CCDC32: variants seen among roughly 807,000 people sequenced by gnomAD.
The protein encoded by CCDC32 is coiled-coil domain-containing protein 32.
CCDC32 carries 9 observed loss-of-function variants against 20.1 expected under a neutral mutation model. That is an observed-to-expected ratio of 0.45 (90% CI 0.27 to 0.78). The LOEUF is 0.78. Ranked by LOEUF, CCDC32 falls within the 30% of genes least tolerant of loss-of-function variation. The probability of loss-of-function intolerance (pLI) is 0.16; values close to 1 mark genes in which losing one functional copy is unlikely to be tolerated. For missense variants in CCDC32, 204 were observed against 215.5 expected, an observed-to-expected ratio of 0.95 and a Z score of 0.33; for synonymous variants, 63 against 79.0, an observed-to-expected ratio of 0.80 and a Z score of 1.07.
At chr15:40,550,698 A>G (rs1055328389), downstream of CCDC32, among the ~76,000 whole-genome samples, 1 of 152,230 alleles carries the variant, frequency 6.6e-6, no homozygotes, top group African/African-American at 2.4e-5. Flanking sequence ...TTAAGAAACT[A>G]TAGCTACAAC....
downstream of CCDC32, among the ~76,000 whole-genome samples, chr15:40,527,011 T>C (rs547167748): frequency 6.6e-6 from 1 of 152,202 alleles, no homozygotes; most frequent in South Asian, 2.1e-4. Flanking sequence ...AGTACAGTTA[T>C]GTGATCTCAG....
At chr15:40,552,973 T>A (rs548452023), downstream of CCDC32, 66 of 261,866 alleles carry the variant, frequency 2.5e-4, no homozygotes, top group African/African-American at 1.3e-3. Context: ...TGAGGGCACA[T>A]GCTAATAACA....
downstream of CCDC32, among the ~76,000 whole-genome samples, chr15:40,551,280 G>A (rs561051070): frequency 6.6e-6 from 1 of 152,024 alleles, no homozygotes; most frequent in Non-Finnish European, 1.5e-5. Context: ...TACTCGGGAG[G>A]CTGAGGCAGG....
chr15:40,534,731 T>G, downstream of CCDC32: 1 of 598,288 alleles, frequency 1.7e-6, no homozygotes, highest in Non-Finnish European at 3.0e-6. Context: ...GGCCCCTTTT[T>G]GTAAGGGCAC....
Position 40,553,466 on chromosome 15 carries a change from G to C in CCDC32, c.*505C>G. The C allele has an allele frequency of 1.0e-6, 1 of 986,120 alleles. No homozygotes were observed. The highest frequency in any genetic ancestry group is 1.2e-6 in the Non-Finnish European group (1 of 830,462). The allele number at this position is 986,120 out of a possible 1,614,324, so 61.1% of individuals were successfully genotyped here. A position where few individuals can be genotyped will look rare whatever the true frequency, so the allele number is the denominator to read the frequency against. On this transcript the variant is annotated 3_prime_UTR_variant, in exon 4 of 4. Coordinates refer to ENST00000416810, the MANE Select transcript of CCDC32 (RefSeq NM_001080792.4). ...GATTTGTTAGAGAAGCCCCAGATGG[G>C]GCTTGGATTCAAGGAGCAGACTTCA...
downstream of CCDC32, chr15:40,537,386 T>G (rs1268802423): frequency 6.6e-6 from 1 of 152,296 alleles, no homozygotes; most frequent in Non-Finnish European, 1.5e-5. Context: ...CTGAAGCCCA[T>G]GCAGGGAACA....
At chr15:40,560,887 G>T (rs532521384) in intron 2 of CCDC32, among the ~76,000 whole-genome samples, 2 of 152,260 alleles carry the variant, frequency 1.3e-5, no homozygotes, top group South Asian at 4.1e-4. Flanking sequence ...CAAAGGAAAA[G>T]AAGTCGTTAT....
chr15:40,557,570 G>A, intron 2 of CCDC32, 198 bp from the exon 3 acceptor site: 1 of 490,880 alleles, frequency 2.0e-6, no homozygotes, highest in Non-Finnish European at 3.5e-6. Flanking sequence ...TCCTCACCCT[G>A]CATTGTATCA....
At chr15:40,527,870 TATAA>T (rs751017284), downstream of CCDC32, among the ~76,000 whole-genome samples, 36 of 152,304 alleles carry the variant, frequency 2.4e-4, no homozygotes, top group Non-Finnish European at 4.0e-4. Context: ...TTCTTTTCTT[TATAA>T]ATTGCTCAGT....
In CCDC32 at chr15:40,541,821, C is replaced by T. The variant is rs183522247; in HGVS notation, c.402-2466G>A. 1.9e-3 allele frequency among the ~76,000 whole-genome samples: 292 copies of T among 152,300 alleles called. 1 individual carries two copies. The highest frequency in any genetic ancestry group is 6.6e-3 in the African/African-American group (274 of 41,546). ...CAGAGAACATAAAACAGCACAAGAG[C>T]GACCTTTTTGTGATCTTCCAACCCA... On this transcript the variant is annotated intron_variant, in intron 3 of 3. Transcript: ENST00000558113.
At chr15:40,542,014 G>A (rs949858349) in intron 3 of CCDC32, among the ~76,000 whole-genome samples, 5 of 152,202 alleles carry the variant, frequency 3.3e-5, no homozygotes, top group Non-Finnish European at 7.3e-5. Flanking sequence ...TGACTTAACA[G>A]CAGCAAGCCC....
chr15:40,534,726 C>T (rs1889035701), downstream of CCDC32: 2 of 596,970 alleles, frequency 3.4e-6, no homozygotes, highest in Non-Finnish European at 6.0e-6. Context: ...TCTCTGGCCC[C>T]TTTTTGTAAG....
At chr15:40,531,893 A>G (rs1888891541), downstream of CCDC32, 1 of 155,822 alleles carries the variant, frequency 6.4e-6, no homozygotes, top group South Asian at 2.1e-4. Context: ...TAAATATGAA[A>G]AGACATGTTA....
intron 3 of CCDC32, among the ~76,000 whole-genome samples, chr15:40,546,743 C>T (rs1425035913): frequency 1.3e-5 from 2 of 151,066 alleles, no homozygotes; most frequent in Non-Finnish European, 2.9e-5. Flanking sequence ...GCTCTGTTGC[C>T]CAGGCTGGAG....
intron 3 of CCDC32, 154 bp downstream of exon 3, chr15:40,557,062 C>T (rs138082848): frequency 1.3e-6 from 1 of 768,396 alleles, no homozygotes; most frequent in Non-Finnish European, 2.0e-6. Context: ...AATGCTTTAT[C>T]CTTAACTCTA....
intron 3 of CCDC32, among the ~76,000 whole-genome samples, chr15:40,543,985 A>T (rs545816908): frequency 6.6e-6 from 1 of 152,018 alleles, no homozygotes; most frequent in Non-Finnish European, 1.5e-5. Context: ...AACACTGCTG[A>T]CTCCATTGAA....
chr15:40,525,222 G>T (rs1022647553), downstream of CCDC32, among the ~76,000 whole-genome samples: 1 of 152,016 alleles, frequency 6.6e-6, no homozygotes, highest in African/African-American at 2.4e-5. Flanking sequence ...TTGAGATGGG[G>T]TTTTACCATC....
At chr15:40,554,541 C>A (rs1344393315) in intron 3 of CCDC32, among the ~76,000 whole-genome samples, 2 of 152,144 alleles carry the variant, frequency 1.3e-5, no homozygotes, top group African/African-American at 2.4e-5. Context: ...ATCTGAGTAT[C>A]TTTTGCCTCT....
chr15:40,539,588 C>T (rs1013193749), intron 3 of CCDC32, among the ~76,000 whole-genome samples: 1 of 152,206 alleles, frequency 6.6e-6, no homozygotes, highest in South Asian at 2.1e-4. Context: ...GACACGGGGG[C>T]CCGTGGCACC....
Sources: allele counts gnomAD v4.1 joint callset (sites outside exome capture counted in the v4.1 genomes callset), GRCh38; gene constraint gnomAD v4.1.1; transcripts MANE v1.5; gene names NCBI Gene and HGNC (gene_info 2026-07-23, HGNC 2026-07-21).